Variants in IL20RB observed in about 807,000 individuals in gnomAD.
IL20RB encodes the protein interleukin 20 receptor subunit beta, also known as interleukin-20 receptor subunit beta.
IL20RB carries 21 observed loss-of-function variants against 33.3 expected under a neutral mutation model. That is an observed-to-expected ratio of 0.63 (90% CI 0.45 to 0.91). The LOEUF (loss-of-function observed/expected upper bound fraction) is 0.91. IL20RB is among the 40% of genes least tolerant of loss of function. IL20RB has a pLI of 0.00. For missense variants in IL20RB, 345 were observed against 384.8 expected, an observed-to-expected ratio of 0.90 and a Z score of 0.86; for synonymous variants, 147 against 146.8, an observed-to-expected ratio of 1.00 and a Z score of -0.01.
chr3:137,006,764 A>T (rs1942358397), intron 6 of IL20RB, among the ~76,000 whole-genome samples: 1 of 152,126 alleles, frequency 6.6e-6, no homozygotes, highest in Admixed American at 6.5e-5. Context: ...TCTGAAGCCT[A>T]CTTCTGTCAA....
At chr3:136,970,726 C>T (rs1035729283) in intron 1 of IL20RB, among the ~76,000 whole-genome samples, 8 of 151,534 alleles carry the variant, frequency 5.3e-5, no homozygotes, top group Non-Finnish European at 7.4e-5. Flanking sequence ...AATTTCAGCT[C>T]ACTGCAACCT....
At chr3:137,008,879 T>C (rs1280075452) in intron 6 of IL20RB, among the ~76,000 whole-genome samples, 1 of 152,248 alleles carries the variant, frequency 6.6e-6, no homozygotes, top group East Asian at 1.9e-4. Flanking sequence ...TACGAGATTT[T>C]AAAAATTGCA....
intron 6 of IL20RB, among the ~76,000 whole-genome samples, chr3:137,004,715 A>G (rs1014023402): frequency 1.3e-5 from 2 of 152,142 alleles, no homozygotes; most frequent in Non-Finnish European, 2.9e-5. Context: ...TCAAAAAACC[A>G]GCTTCTGGAT....
chr3:136,973,757 T>C lies in IL20RB; in HGVS notation c.89-6709T>C, dbSNP rs562593332. Among the ~76,000 whole-genome samples the C allele has an allele frequency of 3.3e-5, 5 of 152,292 alleles. 1 individual carries two copies. The South Asian group carries it at 8.3e-4, about 25-fold the overall frequency. On this transcript the variant is annotated intron_variant, in intron 1 of 6. Coordinates refer to ENST00000329582, the MANE Select transcript of IL20RB (RefSeq NM_144717.4). ...TCTGGGTGCTCCAGTATGGGGTGCA[T>C]ATATATTTAGAATTGTTATAACTTC...
chr3:136,973,655 G>T (rs1207821653), intron 1 of IL20RB, among the ~76,000 whole-genome samples: 1 of 152,088 alleles, frequency 6.6e-6, no homozygotes, highest in Non-Finnish European at 1.5e-5. Context: ...TGCTGAGAGT[G>T]GGGTGTTAAA....
chr3:136,958,911 T>TTCTCTC (rs3077025), intron 1 of IL20RB, among the ~76,000 whole-genome samples: 58,574 of 149,900 alleles, frequency 0.39, 11,780 homozygotes, highest in East Asian at 0.69. Context: ...CTTGAGTACT[T>TTCTCTC]TCTCTCTCTC....
chr3:136,994,131 A>G (rs1377502012), intron 5 of IL20RB, among the ~76,000 whole-genome samples: 2 of 152,186 alleles, frequency 1.3e-5, no homozygotes, highest in African/African-American at 4.8e-5. Context: ...AGTTTTTGGA[A>G]TTAAAATTTC....
At chr3:137,005,358 A>G (rs888511605) in intron 6 of IL20RB, among the ~76,000 whole-genome samples, 1 of 152,196 alleles carries the variant, frequency 6.6e-6, no homozygotes, top group African/African-American at 2.4e-5. Flanking sequence ...TCATATTGAC[A>G]GTAGGCTGTT....
intron 3 of IL20RB, among the ~76,000 whole-genome samples, chr3:136,986,309 A>G (rs751206041): frequency 7.3e-4 from 111 of 152,306 alleles, no homozygotes; most frequent in Non-Finnish European, 6.6e-4. Context: ...GGCAGATTAA[A>G]TGAGATAAGC....
At chr3:136,963,692 T>A (rs375146509) in intron 1 of IL20RB, among the ~76,000 whole-genome samples, 16,433 of 132,238 alleles carry the variant, frequency 0.12, 902 homozygotes, top group East Asian at 0.23. Flanking sequence ...TTTTTTTTTT[T>A]ATTTTTTTTT....
At chr3:137,000,134 G>A (rs1942212218) in intron 6 of IL20RB, among the ~76,000 whole-genome samples, 1 of 152,092 alleles carries the variant, frequency 6.6e-6, no homozygotes, top group African/African-American at 2.4e-5. Context: ...GAAAACTATT[G>A]ATTTTTTTTG....
At chr3:136,990,286 T>C (rs186904535) in intron 4 of IL20RB, among the ~76,000 whole-genome samples, 62 of 152,164 alleles carry the variant, frequency 4.1e-4, no homozygotes, top group Non-Finnish European at 7.8e-4. Flanking sequence ...CAAGCAAAGA[T>C]AGGCTTTATC....
chr3:136,970,200 T>C (rs1237892548), intron 1 of IL20RB, among the ~76,000 whole-genome samples: 1 of 152,020 alleles, frequency 6.6e-6, no homozygotes, highest in Non-Finnish European at 1.5e-5. Context: ...TCAGGTGACC[T>C]TCCACCTTAG....
At position 136,963,771 on chromosome 3, in the gene IL20RB, C is replaced by T. The variant is rs370740491; in HGVS notation, c.88+5570C>T. 1.4e-4 allele frequency among the ~76,000 whole-genome samples: 16 copies of T among 112,110 alleles called. No homozygotes were observed. The East Asian group carries it at 4.0e-3, about 28-fold the overall frequency. 73.5% of individuals were successfully genotyped at this position (112,110 alleles called of 152,430 possible). ...GGTTAGTTACATATGTATACATGTG[C>T]CATGCTGGTGCGCTGCACCCACTAA... On this transcript the variant is annotated intron_variant, in intron 1 of 6. Coordinates refer to ENST00000329582, the MANE Select transcript of IL20RB (RefSeq NM_144717.4).
chr3:136,980,284 T>A, intron 1 of IL20RB, 182 bp from the exon 2 acceptor site: 1 of 622,212 alleles, frequency 1.6e-6, no homozygotes. Context: ...TTTATAAACA[T>A]GTGAGGCTTT....
chr3:137,003,162 G>T (rs938301039), intron 6 of IL20RB, among the ~76,000 whole-genome samples: 1 of 152,126 alleles, frequency 6.6e-6, no homozygotes, highest in African/African-American at 2.4e-5. Context: ...ATGCTGTTTT[G>T]GTTACTGTAG....
rs71134422 is a variant in IL20RB at position 136,970,611 on chromosome 3, TTTCCTTCC to T, written c.89-9808_89-9801del. Among the ~76,000 whole-genome samples the T allele has an allele frequency of 4.6e-3, 655 of 142,132 alleles. 2 individuals carry two copies. The highest frequency in any genetic ancestry group is 0.01 in the African/African-American group (388 of 38,236). The allele number at this position is 142,132 out of a possible 152,430, so 93.2% of individuals were successfully genotyped here. The stretch of plus-strand genomic sequence containing the variant: ...ATTAAAATGGTTTTAGTTATTCTAG[TTTCCTTCC>T]TTCCTTCCTTCCTTCCTTCCTTCCT... On this transcript the variant is annotated intron_variant, in intron 1 of 6. Coordinates refer to ENST00000329582, the MANE Select transcript of IL20RB (RefSeq NM_144717.4).
chr3:136,992,179 AG>A (rs1026790564), intron 5 of IL20RB, 91 bp downstream of exon 5: 27 of 1,402,014 alleles, frequency 1.9e-5, no homozygotes, highest in Non-Finnish European at 2.3e-5. Context: ...TTTGGTTCTG[AG>A]TTTTTCCTTG....
At chr3:136,974,651 A>G (rs953187135) in intron 1 of IL20RB, among the ~76,000 whole-genome samples, 2 of 152,152 alleles carry the variant, frequency 1.3e-5, no homozygotes, top group African/African-American at 4.8e-5. Context: ...CTGTAACTAG[A>G]TGTCTAAATA....
Sources: gnomAD v4.1 joint callset for allele counts (sites outside exome capture counted in the v4.1 genomes callset) on GRCh38, gnomAD v4.1.1 for gene constraint, MANE v1.5 for transcripts, NCBI Gene and HGNC (gene_info 2026-07-23, HGNC 2026-07-21) for gene names.